The following PXDNL variants were observed in gnomAD, a reference collection of about 807,000 sequenced individuals.
The protein encoded by PXDNL is probable oxidoreductase PXDNL.
PXDNL carries 145 observed loss-of-function variants against 150.8 expected under a neutral mutation model. The ratio of observed to expected loss-of-function variants is 0.96; its 90% confidence interval spans 0.84 to 1.10. The LOEUF (loss-of-function observed/expected upper bound fraction) is 1.10. Among genes scored for constraint, PXDNL ranks in the 50% least tolerant of loss-of-function variants. PXDNL has a pLI of 0.00. For missense variants in PXDNL, 2,087 were observed against 1,873.9 expected (o/e 1.11, Z -2.10); for synonymous variants, 757 against 725.7 (o/e 1.04, Z -0.69).
intron 12 of PXDNL, among the ~76,000 whole-genome samples, chr8:51,441,074 T>A (rs892795230): frequency 1.3e-5 from 2 of 152,172 alleles, no homozygotes; most frequent in Non-Finnish European, 2.9e-5. Flanking sequence ...TGGGTGGAGA[T>A]AATTGAATCA....
At chr8:51,329,491 C>T (rs1805615305) in intron 21 of PXDNL, among the ~76,000 whole-genome samples, 1 of 152,132 alleles carries the variant, frequency 6.6e-6, no homozygotes, top group Admixed American at 6.5e-5. Context: ...ACAAAATTTA[C>T]AAGGCGTGCT....
intron 17 of PXDNL, among the ~76,000 whole-genome samples, chr8:51,391,693 G>T (rs1265400619): frequency 1.3e-5 from 2 of 152,118 alleles, no homozygotes; most frequent in Non-Finnish European, 2.9e-5. Context: ...TATGTTGCCT[G>T]TTCACTCTGA....
intron 1 of PXDNL, among the ~76,000 whole-genome samples, chr8:51,693,145 C>T (rs1816035914): frequency 1.3e-5 from 2 of 152,186 alleles, no homozygotes; most frequent in Admixed American, 6.5e-5. Context: ...ATTGTTTAGT[C>T]AATTCTAACA....
chr8:51,371,322 C>A (rs935792113), intron 19 of PXDNL, among the ~76,000 whole-genome samples: 3 of 152,208 alleles, frequency 2.0e-5, no homozygotes, highest in Non-Finnish European at 4.4e-5. Flanking sequence ...ATTGTGAGCA[C>A]AAAACAGATG....
At chr8:51,668,216 C>T (rs1186647251) in intron 1 of PXDNL, among the ~76,000 whole-genome samples, 2 of 106,848 alleles carry the variant, frequency 1.9e-5, no homozygotes, top group Non-Finnish European at 3.6e-5. Context: ...CACTCTGTTG[C>T]CCAGGCTGCA....
chr8:51,607,350 T>C (rs1217973663), intron 2 of PXDNL, among the ~76,000 whole-genome samples: 1 of 152,194 alleles, frequency 6.6e-6, no homozygotes, highest in Non-Finnish European at 1.5e-5. Flanking sequence ...CTCATTTCTT[T>C]CTTCCAGAGC....
intron 17 of PXDNL, among the ~76,000 whole-genome samples, chr8:51,382,088 T>C (rs958202697): frequency 6.6e-6 from 1 of 152,088 alleles, no homozygotes; most frequent in Non-Finnish European, 1.5e-5. Context: ...CTGCCCGCCT[T>C]GGCCTCCCAA....
intron 3 of PXDNL, among the ~76,000 whole-genome samples, chr8:51,583,229 A>C (rs76510400): frequency 0.051 from 7,763 of 152,160 alleles, 463 homozygotes; most frequent in African/African-American, 0.15. Context: ...CTCCCAGTTC[A>C]GCAGGTTGTA....
At chr8:51,470,579 T>C (rs984958340) in intron 8 of PXDNL, among the ~76,000 whole-genome samples, 2 of 152,142 alleles carry the variant, frequency 1.3e-5, no homozygotes, top group Non-Finnish European at 2.9e-5. Context: ...GTATTAGGTA[T>C]ATAGTGCACT....
chr8:51,324,476 G>C (rs1414412016), intron 21 of PXDNL, among the ~76,000 whole-genome samples: 1 of 152,180 alleles, frequency 6.6e-6, no homozygotes, highest in African/African-American at 2.4e-5. Flanking sequence ...GTTGTCAAAA[G>C]TGTGACTATG....
chr8:51,333,207 T>C (rs1207892974), intron 21 of PXDNL, among the ~76,000 whole-genome samples: 1 of 152,112 alleles, frequency 6.6e-6, no homozygotes, highest in East Asian at 1.9e-4. Flanking sequence ...CAAAACAATC[T>C]TCAGCCAAGA....
intron 4 of PXDNL, among the ~76,000 whole-genome samples, chr8:51,517,507 T>C (rs1288520107): frequency 4.6e-5 from 7 of 152,220 alleles, no homozygotes; most frequent in Admixed American, 4.6e-4. Flanking sequence ...ATTGACTATG[T>C]CTTGCTCATG....
chr8:51,591,084 G>A (rs1359482653), intron 3 of PXDNL, among the ~76,000 whole-genome samples: 1 of 146,492 alleles, frequency 6.8e-6, no homozygotes, highest in Non-Finnish European at 1.5e-5. Context: ...CATTATCATG[G>A]GAGTGGATTA....
At chr8:51,330,849 T>C (rs373969050) in intron 21 of PXDNL, among the ~76,000 whole-genome samples, 3 of 152,166 alleles carry the variant, frequency 2.0e-5, no homozygotes, top group African/African-American at 7.2e-5. Context: ...AAACCAATTA[T>C]GGGTAAGACT....
chr8:51,760,279 G>A (rs2037147401), intron 1 of PXDNL, among the ~76,000 whole-genome samples: 1 of 151,798 alleles, frequency 6.6e-6, no homozygotes, highest in African/African-American at 2.4e-5. Flanking sequence ...TTTAGTCTAA[G>A]ATGCTAGACC....
chr8:51,437,024 C>A (rs996214612), intron 12 of PXDNL, among the ~76,000 whole-genome samples: 10 of 152,074 alleles, frequency 6.6e-5, no homozygotes, highest in Non-Finnish European at 8.8e-5. Flanking sequence ...GATATTACAA[C>A]CAATACCACA....
Position 51,553,771 on chromosome 8 carries a change from T to C in PXDNL, c.380+3069A>G, listed in dbSNP as rs1017746018. 8.2e-3 allele frequency among the ~76,000 whole-genome samples: 519 copies of C among 63,666 alleles called. 6 individuals carry two copies. The highest frequency in any genetic ancestry group is 0.041 in the South Asian group (94 of 2,318). 41.8% of individuals were successfully genotyped at this position (63,666 alleles called of 152,430 possible). A position where few individuals can be genotyped will look rare whatever the true frequency, so the allele number is the denominator to read the frequency against. ...ATATATATATATATATATATATATA[T>C]ACACACACTGAAAATATAAATCTCG... is the stretch of plus-strand genomic sequence containing the variant. On this transcript the variant is annotated intron_variant, in intron 4 of 22. Coordinates refer to ENST00000356297, the MANE Select transcript of PXDNL (RefSeq NM_144651.5).
intron 4 of PXDNL, among the ~76,000 whole-genome samples, chr8:51,544,845 T>A (rs186211188): frequency 1.3e-5 from 2 of 152,152 alleles, no homozygotes; most frequent in Admixed American, 1.3e-4. Context: ...TCTGCCTTCC[T>A]CAAAAATAAA....
chr8:51,360,125 TACTC>T (rs144560449), intron 19 of PXDNL, among the ~76,000 whole-genome samples: 7,937 of 151,910 alleles, frequency 0.052, 667 homozygotes, highest in African/African-American at 0.18. Context: ...TGTGTACACT[TACTC>T]ATGTGTATCC....
Sources: gnomAD v4.1 joint callset for allele counts (sites outside exome capture counted in the v4.1 genomes callset) on GRCh38, gnomAD v4.1.1 for gene constraint, MANE v1.5 for transcripts, NCBI Gene and HGNC (gene_info 2026-07-23, HGNC 2026-07-21) for gene names.